The following PDGFB variants were observed in gnomAD, a reference collection of about 807,000 sequenced individuals.
PDGFB encodes the protein platelet derived growth factor subunit B.
A neutral mutation model predicts 29.0 loss-of-function variants in PDGFB; 6 were observed. The ratio of observed to expected loss-of-function variants is 0.21; its 90% CI spans 0.11 to 0.41. The LOEUF is 0.41. PDGFB is among the 10% of genes least tolerant of loss of function. The pLI is 1.00. For missense variants in PDGFB, 299 were observed against 341.8 expected, an observed-to-expected ratio of 0.87 and a Z score of 0.99; for synonymous variants, 144 against 140.8, an observed-to-expected ratio of 1.02 and a Z score of -0.16.
In PDGFB at chr22:39,230,129, C is replaced by T. The variant is rs751725172; in HGVS notation, c.556G>A (p.Ala186Thr). Residue 186 changes from alanine to threonine, a missense_variant, in exon 5 of 7, where the codon GCA becomes ACA. By Grantham distance (58) the Ala-to-Thr change is moderately conservative. Coordinates refer to ENST00000331163, the MANE Select transcript of PDGFB (RefSeq NM_002608.4). Reference sequence around the variant, plus strand: ...CCCGGGCTTCGGGTCACAGGCCGTGCAGCTGCCACTGTCTCACACTTGCAT... The same window carrying T: ...CCCGGGCTTCGGGTCACAGGCCGTGTAGCTGCCACTGTCTCACACTTGCAT... Reference protein sequence around the residue: ...LACKCETVAAARPVTRSPGGS... With the variant: ...LACKCETVAATRPVTRSPGGS... 2.5e-6 allele frequency: 4 copies of T among 1,613,774 alleles called. No individual in the cohort carries two copies. The Admixed American group carries it at 6.7e-5, about 27-fold the overall frequency.
chr22:39,235,805 G>T lies in PDGFB; in HGVS notation c.133C>A (p.Gln45Lys), dbSNP rs1461791828. 2 of 1,613,806 alleles carry T rather than the reference G, an allele frequency of 1.2e-6. No homozygotes were observed. The highest frequency in any genetic ancestry group is 3.3e-5 in the Admixed American group (2 of 60,014). ...DHSIRSFDDL[Q>K]RLLHGDPGEE... ...CCGGGGTCTCCGTGCAGCAGGCGTT[G>T]GAGATCATCAAAGGAGCGGATCGAG... is the stretch of plus-strand genomic sequence containing the variant. Residue 45 changes from glutamine to lysine, a missense_variant, in exon 2 of 7, where the codon CAA becomes AAA. Physicochemically the swap from Gln to Lys is moderately conservative, Grantham distance 53 (BLOSUM62 1). Coordinates refer to ENST00000331163, the MANE Select transcript of PDGFB (RefSeq NM_002608.4).
rs1569140700 is a variant in PDGFB at position 39,242,819 on chromosome 22, C to T, written c.63+1082G>A. ...GAGGTGCGGGCGAGGTGCGGACTCC[C>T]GGCCGCAGCCGGGCGGAGGTGGGAC... On this transcript the variant is annotated intron_variant, in intron 1 of 6. Coordinates refer to ENST00000331163, the MANE Select transcript of PDGFB (RefSeq NM_002608.4). The surrounding 1 kb of genome is among the most constrained non-coding windows in gnomAD (Gnocchi z 5.7). 4.3e-6 allele frequency: 1 copy of T among 231,590 alleles called. No individual in the cohort carries two copies. The allele number at this position is 231,590 out of a possible 1,614,324, so 14.3% of individuals were successfully genotyped here.
chr22:39,227,252 C>A (rs552764577), intron 5 of PDGFB, among the ~76,000 whole-genome samples: 2 of 152,012 alleles, frequency 1.3e-5, no homozygotes, highest in Admixed American at 6.5e-5. Context: ...CGCCATGACA[C>A]CTGGTTAATT....
chr22:39,230,944 C>T (rs934214068), intron 4 of PDGFB, among the ~76,000 whole-genome samples: 3 of 152,194 alleles, frequency 2.0e-5, no homozygotes, highest in Non-Finnish European at 2.9e-5. Context: ...GACTCTGCCC[C>T]GACTAGGGTG....
At chr22:39,233,558 C>T (rs748684265) in intron 2 of PDGFB, 34 bp from the exon 3 acceptor site, 2 of 1,515,328 alleles carry the variant, frequency 1.3e-6, no homozygotes, top group South Asian at 1.2e-5. Flanking sequence ...CACCAGGCGG[C>T]CCCACCTTGG....
intron 4 of PDGFB, among the ~76,000 whole-genome samples, chr22:39,230,826 C>A (rs1183086824): frequency 6.6e-6 from 1 of 152,202 alleles, no homozygotes; most frequent in African/African-American, 2.4e-5. Flanking sequence ...GAGCATCGGG[C>A]AAGGGCCGGT....
At chr22:39,240,873 C>G in intron 1 of PDGFB, 1 of 1,613,558 alleles carries the variant, frequency 6.2e-7, no homozygotes, top group Non-Finnish European at 8.5e-7. Context: ...TGATAAACAT[C>G]TCACCATTCC....
chr22:39,234,942 A>G (rs1932405806), intron 2 of PDGFB, among the ~76,000 whole-genome samples: 1 of 151,920 alleles, frequency 6.6e-6, no homozygotes. Context: ...GGGTTGTGGG[A>G]GACATCGGGT....
At position 39,233,425 on chromosome 22, in the gene PDGFB, T is replaced by TC; in HGVS notation, c.250+9dup. On this transcript the variant is annotated intron_variant, in intron 3 of 6. Transcript: ENST00000331163. The stretch of plus-strand genomic sequence containing the variant: ...ATTTGAAGGACCCTTGTTGGGTGTC[T>TC]CAGTCTTACCCAGGCTCCTTCTTCC... 1.9e-6 allele frequency: 3 copies of TC among 1,587,408 alleles called. No individual in the cohort carries two copies. Among genetic ancestry groups the TC allele is most frequent in the Non-Finnish European group, 2.6e-6 (3 of 1,166,214 alleles).
chr22:39,228,038 T>C (rs1159674063), intron 5 of PDGFB, among the ~76,000 whole-genome samples: 1 of 152,022 alleles, frequency 6.6e-6, no homozygotes, highest in Non-Finnish European at 1.5e-5. Context: ...AAGCACAAGG[T>C]CACCACACAG....
At chr22:39,237,035 CG>C (rs1425864826) in intron 1 of PDGFB, among the ~76,000 whole-genome samples, 9 of 152,142 alleles carry the variant, frequency 5.9e-5, no homozygotes, top group Non-Finnish European at 1.3e-4. Context: ...TCCACATTCC[CG>C]GAGCCGAAGG....
intron 2 of PDGFB, among the ~76,000 whole-genome samples, chr22:39,234,479 A>G (rs1289137534): frequency 6.6e-6 from 1 of 152,188 alleles, no homozygotes; most frequent in Non-Finnish European, 1.5e-5. Flanking sequence ...TGCCACCTCC[A>G]CACAGCACCC....
At position 39,244,047 on chromosome 22, in the gene PDGFB, G is replaced by T; in HGVS notation, c.-84C>A. On this transcript the variant is annotated 5_prime_UTR_variant, in exon 1 of 7. Transcript: ENST00000331163. This position sits in a 1 kb window ranked among gnomAD's most constrained non-coding sequence, Gnocchi z 4.5. ...CGCGGCCAGGGTGGGGGGCTGGGGA[G>T]GGGGGTGGGCTCGGCTCGGGTCCGC... 1 of 665,262 alleles carries T rather than the reference G, an allele frequency of 1.5e-6. No individual in the cohort carries two copies. Among genetic ancestry groups the T allele is most frequent in the Non-Finnish European group, 2.4e-6 (1 of 417,314 alleles). The allele number at this position is 665,262 out of a possible 1,614,324, so 41.2% of individuals were successfully genotyped here.
At chr22:39,239,432 C>T (rs535447451) in intron 1 of PDGFB, among the ~76,000 whole-genome samples, 4 of 152,290 alleles carry the variant, frequency 2.6e-5, no homozygotes, top group East Asian at 3.9e-4. Context: ...ACACTCAGCA[C>T]GTGCTCAGCT....
Position 39,244,838 on chromosome 22 carries a change from T to G in PDGFB, c.-875A>C, listed in dbSNP as rs1932657291. Reference sequence around the variant, plus strand: ...TTTTTCCTTTTTGCGCGCGTATGTATGTGTGTGCGCGCAAAGTATCTCTAT... The same window carrying G: ...TTTTTCCTTTTTGCGCGCGTATGTAGGTGTGTGCGCGCAAAGTATCTCTAT... On this transcript the variant is annotated 5_prime_UTR_variant, in exon 1 of 7. Coordinates refer to ENST00000331163, the MANE Select transcript of PDGFB (RefSeq NM_002608.4). This position sits in a 1 kb window ranked among gnomAD's most constrained non-coding sequence, Gnocchi z 4.5. The G allele has an allele frequency of 4.4e-5, 8 of 182,152 alleles. No homozygotes were observed. The highest frequency in any genetic ancestry group is 8.7e-5 in the East Asian group (1 of 11,476). 11.3% of individuals were successfully genotyped at this position (182,152 alleles called of 1,614,324 possible). A position where few individuals can be genotyped will look rare whatever the true frequency, so the allele number is the denominator to read the frequency against.
chr22:39,227,537 G>A (rs1932197094), intron 5 of PDGFB, among the ~76,000 whole-genome samples: 1 of 152,212 alleles, frequency 6.6e-6, no homozygotes, highest in Non-Finnish European at 1.5e-5. Flanking sequence ...TTCACGGCAG[G>A]TGCTGTTACC....
chr22:39,229,987 G>T, intron 5 of PDGFB, 97 bp downstream of exon 5: 1 of 1,368,794 alleles, frequency 7.3e-7, no homozygotes, highest in South Asian at 1.3e-5. Flanking sequence ...ATTTAACCGG[G>T]GGCGGGCCTG....
rs1158702707 is a variant in PDGFB, at chr22:39,231,710, G to A, written c.368C>T (p.Pro123Leu). Residue 123 changes from proline (P) to leucine (L), a missense_variant, in exon 4 of 7, where the codon CCC becomes CTC. Physicochemically the swap from Pro to Leu is moderately conservative, Grantham distance 98. Coordinates refer to ENST00000331163, the MANE Select transcript of PDGFB (RefSeq NM_002608.4). This position sits in a 1 kb window ranked among gnomAD's most constrained non-coding sequence, Gnocchi z 4.3. ...RTNANFLVWPPCVEVQRCSGC... is the reference protein window; with the variant it reads ...RTNANFLVWPLCVEVQRCSGC... ...GGAGCAGCGCTGCACCTCCACACAG[G>A]GCGGCCACACCAGGAAGTTGGCGTT... 6.2e-7 allele frequency: 1 copy of A among 1,609,714 alleles called. No homozygotes were observed. The highest frequency in any genetic ancestry group is 1.7e-5 in the Admixed American group (1 of 59,588).
chr22:39,227,529 C>A (rs1163903659), intron 5 of PDGFB, among the ~76,000 whole-genome samples: 1 of 152,216 alleles, frequency 6.6e-6, no homozygotes, highest in East Asian at 1.9e-4. Context: ...CATTTCCCTT[C>A]ACGGCAGGTG....
Sources: gnomAD v4.1 joint callset for allele counts (sites outside exome capture counted in the v4.1 genomes callset) on GRCh38, gnomAD v4.1.1 for gene constraint, Gnocchi (gnomAD v3.1) non-coding constraint, MANE v1.5 for transcripts, NCBI Gene and HGNC (gene_info 2026-07-23, HGNC 2026-07-21) for gene names.